The following SENP7 variants were observed in gnomAD, a reference collection of about 807,000 sequenced individuals.
SENP7 encodes the protein sentrin-specific protease 7.
In SENP7, 64 loss-of-function variants were observed where a neutral mutation model predicts 141.2. That is an observed-to-expected ratio of 0.45 (90% CI 0.37 to 0.56). The LOEUF (loss-of-function observed/expected upper bound fraction) is 0.56. SENP7 is among the 20% of genes least tolerant of loss of function. The pLI, the probability that SENP7 is intolerant of heterozygous loss-of-function variation, is 0.00. For missense variants in SENP7, 1,025 were observed against 1,212.2 expected (o/e 0.85, Z 2.29); for synonymous variants, 382 against 426.4 (o/e 0.90, Z 1.28).
At chr3:101,393,610 G>C (rs535077348) in intron 6 of SENP7, among the ~76,000 whole-genome samples, 3 of 152,106 alleles carry the variant, frequency 2.0e-5, no homozygotes, top group Non-Finnish European at 2.9e-5. Flanking sequence ...TCACTAATTA[G>C]GGAAATATAA....
intron 3 of SENP7, among the ~76,000 whole-genome samples, chr3:101,465,764 C>T (rs978166763): frequency 1.3e-5 from 2 of 151,544 alleles, no homozygotes; most frequent in Non-Finnish European, 2.9e-5. Flanking sequence ...AAGACACCTC[C>T]AAAGAAACAA....
chr3:101,382,330 C>G (rs2060526025), intron 6 of SENP7, among the ~76,000 whole-genome samples: 2 of 152,094 alleles, frequency 1.3e-5, no homozygotes, highest in Admixed American at 6.5e-5. Flanking sequence ...GCACACAGTA[C>G]TGCACCTGAC....
chr3:101,371,865 AT>A lies in SENP7; in HGVS notation c.796+142del, dbSNP rs2060190403. The A allele has an allele frequency of 1.4e-5, 5 of 346,894 alleles. No individual in the cohort carries two copies. The East Asian group carries it at 2.3e-4, about 16-fold the overall frequency. The allele number at this position is 346,894 out of a possible 1,614,324, so 21.5% of individuals were successfully genotyped here. A position where few individuals can be genotyped will look rare whatever the true frequency, so the allele number is the denominator to read the frequency against. On this transcript the variant is annotated intron_variant, in intron 7 of 23. Coordinates refer to ENST00000394095, the MANE Select transcript of SENP7 (RefSeq NM_020654.5). ...CGCTACATAAAGAGTAGGTTTAGCA[AT>A]TTTATTTGTGTTGCCAAATAATCTC...
intron 6 of SENP7, among the ~76,000 whole-genome samples, chr3:101,375,359 A>G (rs1471047025): frequency 6.6e-6 from 1 of 152,060 alleles, no homozygotes; most frequent in Non-Finnish European, 1.5e-5. Flanking sequence ...CCTTTCCAAC[A>G]TGGAGAAACT....
chr3:101,388,018 G>A (rs1317964239), intron 6 of SENP7, among the ~76,000 whole-genome samples: 1 of 141,232 alleles, frequency 7.1e-6, no homozygotes, highest in Non-Finnish European at 1.6e-5. Context: ...GGAAGTTCGG[G>A]GACTGGCTAG....
At chr3:101,498,686 C>A (rs1033679503) in intron 2 of SENP7, among the ~76,000 whole-genome samples, 4 of 152,134 alleles carry the variant, frequency 2.6e-5, no homozygotes, top group Admixed American at 2.6e-4. Flanking sequence ...CAAATGATGT[C>A]TATAGTTTAA....
intron 4 of SENP7, among the ~76,000 whole-genome samples, chr3:101,419,611 A>T (rs1182095283): frequency 6.6e-6 from 1 of 152,198 alleles, no homozygotes; most frequent in Non-Finnish European, 1.5e-5. Flanking sequence ...AAATAAGACA[A>T]GACCTGAAAA....
intron 22 of SENP7, among the ~76,000 whole-genome samples, chr3:101,328,061 CAAAGT>C (rs1297316649): frequency 3.3e-5 from 5 of 152,116 alleles, no homozygotes. Context: ...CATAACTCAA[CAAAGT>C]AAACTAAGAA....
chr3:101,441,577 A>C (rs1394001212), intron 4 of SENP7, among the ~76,000 whole-genome samples: 2 of 152,094 alleles, frequency 1.3e-5, no homozygotes, highest in Non-Finnish European at 2.9e-5. Context: ...GCCCAAGTAC[A>C]TTGCCAATGC....
At chr3:101,340,365 C>A in intron 15 of SENP7, 154 bp from the exon 16 acceptor site, 1 of 930,590 alleles carries the variant, frequency 1.1e-6, no homozygotes, top group South Asian at 1.9e-5. Flanking sequence ...TGATATTTTC[C>A]TTCCTTTATC....
At chr3:101,464,596 G>T in intron 3 of SENP7, among the ~76,000 whole-genome samples, 1 of 152,140 alleles carries the variant, frequency 6.6e-6, no homozygotes, top group African/African-American at 2.4e-5. Context: ...CTCCAGATGG[G>T]ATCATCTAGT....
At chr3:101,383,031 C>T (rs2060547693) in intron 6 of SENP7, among the ~76,000 whole-genome samples, 1 of 152,120 alleles carries the variant, frequency 6.6e-6, no homozygotes, top group Non-Finnish European at 1.5e-5. Context: ...TTTTTTAAAA[C>T]ATATTCACTA....
At chr3:101,370,746 A>AGT (rs1187002508) in intron 7 of SENP7, among the ~76,000 whole-genome samples, 2 of 152,228 alleles carry the variant, frequency 1.3e-5, no homozygotes, top group Non-Finnish European at 2.9e-5. Flanking sequence ...ATACACTGAC[A>AGT]GTGACTAATT....
intron 17 of SENP7, among the ~76,000 whole-genome samples, chr3:101,336,141 GA>G (rs1310236254): frequency 6.6e-6 from 1 of 152,166 alleles, no homozygotes; most frequent in African/African-American, 2.4e-5. Flanking sequence ...ATCCAACTTT[GA>G]AAAACTCATA....
At chr3:101,382,035 G>C (rs146573457) in intron 6 of SENP7, among the ~76,000 whole-genome samples, 99 of 152,222 alleles carry the variant, frequency 6.5e-4, no homozygotes, top group African/African-American at 2.3e-3. Flanking sequence ...TCCCTCTGTT[G>C]GAAGTCTATA....
intron 12 of SENP7, among the ~76,000 whole-genome samples, chr3:101,348,853 A>G (rs2059540826): frequency 6.6e-6 from 1 of 152,120 alleles, no homozygotes; most frequent in South Asian, 2.1e-4. Context: ...GTTCAACTGC[A>G]AGACAGCAAG....
intron 1 of SENP7, among the ~76,000 whole-genome samples, chr3:101,512,082 G>C (rs1297930833): frequency 6.6e-6 from 1 of 152,152 alleles, no homozygotes; most frequent in African/African-American, 2.4e-5. Flanking sequence ...GGCCTCCCAA[G>C]GTGTTGGCAT....
intron 3 of SENP7, among the ~76,000 whole-genome samples, chr3:101,488,742 T>C (rs1230083176): frequency 2.0e-5 from 3 of 152,222 alleles, no homozygotes; most frequent in African/African-American, 7.2e-5. Flanking sequence ...CTTGGGAGGC[T>C]GACGCAGGAG....
At chr3:101,426,988 T>A (rs1576314687) in intron 4 of SENP7, among the ~76,000 whole-genome samples, 1 of 152,028 alleles carries the variant, frequency 6.6e-6, no homozygotes, top group Non-Finnish European at 1.5e-5. Context: ...CATCCCCAAC[T>A]CATTCTATGA....
Sources: allele counts gnomAD v4.1 joint callset (sites outside exome capture counted in the v4.1 genomes callset), GRCh38; gene constraint gnomAD v4.1.1; transcripts MANE v1.5; gene names NCBI Gene and HGNC (gene_info 2026-07-23, HGNC 2026-07-21).